Variants in UBE2K observed in about 807,000 individuals in gnomAD.
UBE2K encodes ubiquitin-conjugating enzyme E2 K.
UBE2K carries 6 observed loss-of-function variants against 30.0 expected under a neutral mutation model. The observed-to-expected ratio is 0.20, with a 90% CI of 0.11 to 0.39. The LOEUF is 0.39. Ranked by LOEUF, UBE2K falls within the 10% of genes least tolerant of loss-of-function variation. The pLI, the probability that UBE2K is intolerant of heterozygous loss-of-function variation, is 1.00. For missense variants in UBE2K, 61 were observed against 241.6 expected, an observed-to-expected ratio of 0.25 and a Z score of 4.96; for synonymous variants, 86 against 83.7, an observed-to-expected ratio of 1.03 and a Z score of -0.15.
chr4:39,752,522 G>T lies in UBE2K; in HGVS notation c.217-3135G>T, dbSNP rs1721323470. On this transcript the variant is annotated intron_variant, in intron 3 of 6. Coordinates refer to ENST00000261427, the MANE Select transcript of UBE2K (RefSeq NM_005339.5). ...CGGCTAATTTTTTGTATTTTTAGTAGAGACGGGGTTTCACCGTGTTAGCCA... is the reference window on the plus strand; with the variant it reads ...CGGCTAATTTTTTGTATTTTTAGTATAGACGGGGTTTCACCGTGTTAGCCA... 2.0e-5 allele frequency among the ~76,000 whole-genome samples: 3 copies of T among 151,990 alleles called. No homozygotes were observed. The South Asian group carries it at 6.2e-4, about 32-fold the overall frequency.
At position 39,705,856 on chromosome 4, in the gene UBE2K, A is replaced by AT. The variant is rs1180351756; in HGVS notation, c.63+7477dup. On this transcript the variant is annotated intron_variant, in intron 1 of 6. Coordinates refer to ENST00000261427, the MANE Select transcript of UBE2K (RefSeq NM_005339.5). ...AGGCATGCGCCACCACGCCCAGCTA[A>AT]TTTTTTTTTTTGAGACGGAGTCTCG... 7.8e-4 allele frequency among the ~76,000 whole-genome samples: 102 copies of AT among 131,234 alleles called. 1 individual carries two copies. The highest frequency in any genetic ancestry group is 4.0e-3 in the Middle Eastern group (1 of 248). The allele number at this position is 131,234 out of a possible 152,430, so 86.1% of individuals were successfully genotyped here. A position where few individuals can be genotyped will look rare whatever the true frequency, so the allele number is the denominator to read the frequency against.
At chr4:39,766,362 T>C (rs1474081780) in intron 4 of UBE2K, among the ~76,000 whole-genome samples, 2 of 152,180 alleles carry the variant, frequency 1.3e-5, no homozygotes, top group African/African-American at 4.8e-5. Flanking sequence ...TGGTTCCAAT[T>C]TGCATTTCCC....
chr4:39,717,475 C>T (rs539544502), intron 1 of UBE2K, among the ~76,000 whole-genome samples: 9 of 152,108 alleles, frequency 5.9e-5, no homozygotes, highest in Non-Finnish European at 1.0e-4. Context: ...GTGATCCGCC[C>T]ACCTCAGCCT....
chr4:39,728,989 T>A (rs916566369), intron 1 of UBE2K, among the ~76,000 whole-genome samples: 12 of 143,164 alleles, frequency 8.4e-5, no homozygotes, highest in African/African-American at 2.1e-4. Context: ...TTTTTTTTTT[T>A]AAGGAGTCTT....
Position 39,781,927 on chromosome 4 carries a change from A to C in UBE2K, c.*3493A>C. The C allele has an allele frequency of 2.5e-6, 1 of 398,474 alleles. No homozygotes were observed. The highest frequency in any genetic ancestry group is 4.4e-6 in the Non-Finnish European group (1 of 225,924). The allele number at this position is 398,474 out of a possible 1,614,324, so 24.7% of individuals were successfully genotyped here. ...TGTCACTGGGAAGAAGGCAACTTGA[A>C]GTATTTACTGATAAAATAGCCTTTA... On this transcript the variant is annotated 3_prime_UTR_variant, in exon 7 of 7. Transcript: ENST00000261427.
chr4:39,747,783 ATTTTGT>A (rs1721055766), intron 3 of UBE2K, among the ~76,000 whole-genome samples: 1 of 150,010 alleles, frequency 6.7e-6, no homozygotes, highest in African/African-American at 2.5e-5. Flanking sequence ...CGCCCGGCTA[ATTTTGT>A]TGTTGTTGTT....
chr4:39,723,877 A>G (rs563844659), intron 1 of UBE2K, among the ~76,000 whole-genome samples: 2 of 152,208 alleles, frequency 1.3e-5, no homozygotes, highest in African/African-American at 4.8e-5. Context: ...CAATGGCACA[A>G]TCGCGGCTTA....
chr4:39,735,830 A>C (rs2109347316), intron 1 of UBE2K, among the ~76,000 whole-genome samples: 1 of 152,312 alleles, frequency 6.6e-6, no homozygotes, highest in Non-Finnish European at 1.5e-5. Context: ...ATATTTTCAG[A>C]AAAATGTAAA....
At chr4:39,771,667 T>TCG (rs755443344) in intron 4 of UBE2K, among the ~76,000 whole-genome samples, 85 of 152,110 alleles carry the variant, frequency 5.6e-4, no homozygotes, top group African/African-American at 2.0e-3. Context: ...GTTCCAGGCC[T>TCG]CGCGCGCGCG....
intron 2 of UBE2K, among the ~76,000 whole-genome samples, chr4:39,741,054 C>T (rs1370281214): frequency 5.3e-5 from 8 of 151,894 alleles, no homozygotes; most frequent in Non-Finnish European, 1.0e-4. Context: ...AGGTGGATCA[C>T]GAGGTCAGGA....
intron 2 of UBE2K, among the ~76,000 whole-genome samples, chr4:39,743,604 A>G (rs1046343867): frequency 0.04 from 3,204 of 79,636 alleles, 111 homozygotes; most frequent in African/African-American, 0.21. Flanking sequence ...ACTCCGTCTC[A>G]AAAAAAAAAA....
chr4:39,730,227 C>T (rs1427091824), intron 1 of UBE2K, among the ~76,000 whole-genome samples: 1 of 152,168 alleles, frequency 6.6e-6, no homozygotes, highest in African/African-American at 2.4e-5. Context: ...CTCTGTCACA[C>T]AGGCTGGTGT....
rs116290172 is a variant in UBE2K at position 39,763,875 on chromosome 4, A to T, written c.299+8136A>T. On this transcript the variant is annotated intron_variant, in intron 4 of 6. Coordinates refer to ENST00000261427, the MANE Select transcript of UBE2K (RefSeq NM_005339.5). ...CCACCTCAGCCTTCTGAGTAACTGTAACTACAGTCACGTGCTACCACACTT... is the reference window on the plus strand; with the variant it reads ...CCACCTCAGCCTTCTGAGTAACTGTTACTACAGTCACGTGCTACCACACTT... Among the ~76,000 whole-genome samples the T allele has an allele frequency of 6.9e-3, 1,056 of 151,990 alleles. 13 individuals are homozygous for T. The highest frequency in any genetic ancestry group is 0.024 in the African/African-American group (998 of 41,500).
Position 39,712,972 on chromosome 4 carries a change from T to C in UBE2K, c.63+14582T>C, listed in dbSNP as rs923101815. ...CCTCTGCCTCCTGGGTTCAAGCGAT[T>C]GTCCTGCCTCAGCCTGCCAAGTAGT... On this transcript the variant is annotated intron_variant, in intron 1 of 6. Transcript: ENST00000261427. Among the ~76,000 whole-genome samples the C allele has an allele frequency of 3.3e-5, 5 of 152,036 alleles. No homozygotes were observed. In the East Asian group the frequency reaches 7.7e-4, roughly 23 times the overall value.
At chr4:39,723,179 G>C (rs1719522403) in intron 1 of UBE2K, among the ~76,000 whole-genome samples, 1 of 151,274 alleles carries the variant, frequency 6.6e-6, no homozygotes, top group Admixed American at 6.6e-5. Context: ...GAGTAGCTGG[G>C]ACTACAGGTA....
chr4:39,734,778 TCCA>T (rs1720267657), intron 1 of UBE2K, among the ~76,000 whole-genome samples: 2 of 152,170 alleles, frequency 1.3e-5, no homozygotes, highest in Non-Finnish European at 2.9e-5. Context: ...ACTGCTGCAT[TCCA>T]GCCAGGGTGA....
At chr4:39,724,710 C>A (rs907613094) in intron 1 of UBE2K, among the ~76,000 whole-genome samples, 1 of 149,138 alleles carries the variant, frequency 6.7e-6, no homozygotes, top group African/African-American at 2.5e-5. Flanking sequence ...GCAAAAGTTG[C>A]AATGAGCTGA....
rs541989214 is a variant in UBE2K, at chr4:39,702,443, G to A, written c.63+4053G>A. On this transcript the variant is annotated intron_variant, in intron 1 of 6. Coordinates refer to ENST00000261427, the MANE Select transcript of UBE2K (RefSeq NM_005339.5). ...CTAATTTTGTATTTTAAGTAGAGGCGAGGTTTCTCCATGTTGGTCAGGCTG... is the reference window on the plus strand; with the variant it reads ...CTAATTTTGTATTTTAAGTAGAGGCAAGGTTTCTCCATGTTGGTCAGGCTG... Among the ~76,000 whole-genome samples the A allele has an allele frequency of 1.3e-4, 19 of 151,454 alleles. 1 individual carries two copies. In the South Asian group the frequency reaches 4.0e-3, roughly 32 times the overall value.
intron 2 of UBE2K, among the ~76,000 whole-genome samples, chr4:39,744,464 G>A (rs530591675): frequency 2.2e-4 from 34 of 151,896 alleles, no homozygotes; most frequent in African/African-American, 7.2e-4. Flanking sequence ...GAGCCACCGC[G>A]CCGAGCCTAG....
Sources: allele counts gnomAD v4.1 joint callset (sites outside exome capture counted in the v4.1 genomes callset), GRCh38; gene constraint gnomAD v4.1.1; transcripts MANE v1.5; gene names NCBI Gene and HGNC (gene_info 2026-07-23, HGNC 2026-07-21).